Variants in MYH11 observed in about 807,000 individuals in gnomAD.
MYH11 encodes myosin heavy chain 11.
A neutral mutation model predicts 246.6 loss-of-function variants in MYH11; 80 were observed. The observed-to-expected ratio is 0.32, with a 90% CI of 0.27 to 0.39. MYH11 has a LOEUF of 0.39. Ranked by LOEUF, MYH11 falls within the 10% of genes least tolerant of loss-of-function variation. The probability of loss-of-function intolerance (pLI) is 1.00; values close to 1 mark genes in which losing one functional copy is unlikely to be tolerated. For missense variants in MYH11, 2,158 were observed against 2,546.8 expected (o/e 0.85, Z 3.29); for synonymous variants, 1,071 against 1,015.5 (o/e 1.05, Z -1.04).
intron 20 of MYH11, among the ~76,000 whole-genome samples, chr16:15,743,112 T>C (rs1383065249): frequency 6.6e-6 from 1 of 151,912 alleles, no homozygotes; most frequent in Non-Finnish European, 1.5e-5. Flanking sequence ...CAGCTAGGAC[T>C]GGACACTGAA....
chr16:15,848,753 A>G (rs2151392448), intron 1 of MYH11, among the ~76,000 whole-genome samples: 1 of 152,276 alleles, frequency 6.6e-6, no homozygotes, highest in South Asian at 2.1e-4. Context: ...GCTTTAGAAT[A>G]AAAACAAGGG....
intron 37 of MYH11, chr16:15,717,956 A>G (rs1367584239): frequency 5.3e-6 from 2 of 378,672 alleles, no homozygotes; most frequent in Non-Finnish European, 1.0e-5. Flanking sequence ...CCACCATGGA[A>G]CTAGTGCTCA....
chr16:15,838,398 A>AT, intron 1 of MYH11, 129 bp from the exon 2 acceptor site: 3 of 744,462 alleles, frequency 4.0e-6, no homozygotes, highest in Non-Finnish European at 7.0e-6. Flanking sequence ...GACCTGCAGT[A>AT]TTGTGTATGT....
intron 2 of MYH11, among the ~76,000 whole-genome samples, chr16:15,825,876 A>T (rs1164029939): frequency 6.6e-6 from 1 of 151,378 alleles, no homozygotes; most frequent in Non-Finnish European, 1.5e-5. Context: ...GCTTTCCCCA[A>T]ACGATAAACA....
intron 36 of MYH11, chr16:15,718,691 C>G (rs2040303133): frequency 1.7e-6 from 1 of 574,652 alleles, no homozygotes; most frequent in Middle Eastern, 4.6e-4. Context: ...TTCCTGGCCT[C>G]CCCTTCTCCC....
At chr16:15,773,187 T>C (rs1253973190) in intron 8 of MYH11, among the ~76,000 whole-genome samples, 1 of 151,738 alleles carries the variant, frequency 6.6e-6, no homozygotes, top group African/African-American at 2.4e-5. Flanking sequence ...ATCGCTGTAA[T>C]AGGCGATTTC....
chr16:15,786,561 T>C (rs1336506227), intron 5 of MYH11, 69 bp downstream of exon 5: 2 of 1,387,236 alleles, frequency 1.4e-6, no homozygotes, highest in Non-Finnish European at 2.1e-6. Flanking sequence ...TCTGTTTGTA[T>C]CTCGGTTGGG....
intron 10 of MYH11, 96 bp from the exon 11 acceptor site, chr16:15,760,754 C>T (rs547641107): frequency 9.8e-6 from 9 of 914,370 alleles, no homozygotes; most frequent in East Asian, 2.4e-5. Flanking sequence ...GTGAATACAG[C>T]GGGTTCTCTT....
At chr16:15,822,646 C>T (rs1332901664) in intron 3 of MYH11, among the ~76,000 whole-genome samples, 7 of 152,088 alleles carry the variant, frequency 4.6e-5, no homozygotes, top group African/African-American at 1.4e-4. Context: ...GCCCAGGAGG[C>T]GGAGGTTGCA....
At chr16:15,708,892 G>T (rs915677973) in intron 40 of MYH11, 10 of 1,528,126 alleles carry the variant, frequency 6.5e-6, no homozygotes, top group Non-Finnish European at 9.0e-6. Context: ...ACAAGAAGGA[G>T]CCCGGTTAAG....
At chr16:15,830,700 A>G (rs2151373959) in intron 2 of MYH11, among the ~76,000 whole-genome samples, 1 of 152,194 alleles carries the variant, frequency 6.6e-6, no homozygotes, top group African/African-American at 2.4e-5. Context: ...TAACATGGCA[A>G]AAACCCATCT....
intron 2 of MYH11, 87 bp downstream of exon 2, chr16:15,837,821 C>A: frequency 8.0e-7 from 1 of 1,250,868 alleles, no homozygotes; most frequent in East Asian, 2.3e-5. Flanking sequence ...AGGCATGAGC[C>A]ACTGTGCCCA....
chr16:15,776,095 G>T lies in MYH11; in HGVS notation c.872C>A (p.Ala291Asp). 2 of 1,612,906 alleles carry T rather than the reference G, an allele frequency of 1.2e-6. No individual in the cohort carries two copies. Among genetic ancestry groups the T allele is most frequent in the Non-Finnish European group, 1.7e-6 (2 of 1,178,900 alleles). Residue 291 changes from alanine (A) to aspartate (D), a missense_variant, in exon 8 of 41, where the codon GCC (alanine) becomes GAC (aspartate). By Grantham distance (126) the Ala-to-Asp change is moderately radical (BLOSUM62 -2). Transcript: ENST00000300036. ...FHIFYYMIAG[A>D]KEKMRSDLLL... Reference sequence around the variant, plus strand: ...TCACTTACTTCTCATCTTCTCCTTGGCTCCAGCAATCATGTAGTAAAAGAT... The same window carrying T: ...TCACTTACTTCTCATCTTCTCCTTGTCTCCAGCAATCATGTAGTAAAAGAT...
chr16:15,735,134 G>A (rs1281630405), intron 26 of MYH11, among the ~76,000 whole-genome samples: 1 of 149,138 alleles, frequency 6.7e-6, no homozygotes, highest in Non-Finnish European at 1.5e-5. Context: ...AGCCAAGATG[G>A]CACAACTGCA....
intron 37 of MYH11, chr16:15,718,021 G>A (rs541571270): frequency 5.6e-5 from 28 of 501,052 alleles, no homozygotes; most frequent in African/African-American, 4.2e-4. Context: ...AGGGGAAAAC[G>A]CAATGAAAGA....
chr16:15,757,217 C>T (rs990494551), intron 13 of MYH11, among the ~76,000 whole-genome samples: 3 of 151,404 alleles, frequency 2.0e-5, no homozygotes, highest in Non-Finnish European at 2.9e-5. Flanking sequence ...AATGCAGTGG[C>T]GCAATCTCGG....
chr16:15,756,726 G>A (rs937693065), intron 13 of MYH11, among the ~76,000 whole-genome samples: 7 of 151,228 alleles, frequency 4.6e-5, no homozygotes, highest in Non-Finnish European at 1.0e-4. Context: ...ATGGAAGGCA[G>A]AACATAATGT....
At chr16:15,821,937 A>G (rs1016900135) in intron 3 of MYH11, among the ~76,000 whole-genome samples, 3 of 152,042 alleles carry the variant, frequency 2.0e-5, no homozygotes, top group African/African-American at 7.2e-5. Flanking sequence ...AAAAAAAAAA[A>G]AGACAGATAC....
chr16:15,727,880 A>G (rs977501664), intron 27 of MYH11, among the ~76,000 whole-genome samples: 133 of 152,256 alleles, frequency 8.7e-4, no homozygotes, highest in African/African-American at 3.1e-3. Flanking sequence ...GGCGGATGGC[A>G]GGCTTGCTTG....
Sources: allele counts gnomAD v4.1 joint callset (sites outside exome capture counted in the v4.1 genomes callset), GRCh38; gene constraint gnomAD v4.1.1; transcripts MANE v1.5; gene names NCBI Gene and HGNC (gene_info 2026-07-23, HGNC 2026-07-21).